Variants in PRKAG2 observed in about 807,000 individuals in gnomAD.
PRKAG2 encodes the protein 5'-AMP-activated protein kinase subunit gamma-2.
In PRKAG2, 26 loss-of-function variants were observed where a neutral mutation model predicts 69.6. The observed-to-expected ratio is 0.37, with a 90% confidence interval of 0.27 to 0.52. PRKAG2 has a LOEUF of 0.52. Ranked by LOEUF, PRKAG2 falls within the 20% of genes least tolerant of loss-of-function variation. The probability of loss-of-function intolerance (pLI) is 0.90; values close to 1 mark genes in which losing one functional copy is unlikely to be tolerated. For missense variants in PRKAG2, 557 were observed against 740.0 expected (o/e 0.75, Z 2.87); for synonymous variants, 293 against 285.0 (o/e 1.03, Z -0.28).
rs965627378 is a variant in PRKAG2, at chr7:151,632,543, C to G, written c.685-405G>C. 49 of 981,808 alleles carry G rather than the reference C, an allele frequency of 5.0e-5. No homozygotes were observed. Among genetic ancestry groups the G allele is most frequent in the Non-Finnish European group, 5.6e-5 (46 of 827,216 alleles). 60.8% of individuals were successfully genotyped at this position (981,808 alleles called of 1,614,324 possible). A position where few individuals can be genotyped will look rare whatever the true frequency, so the allele number is the denominator to read the frequency against. On this transcript the variant is annotated intron_variant, in intron 4 of 15. Transcript: ENST00000287878. This position sits in a 1 kb window ranked among gnomAD's most constrained non-coding sequence, Gnocchi z 4.2. ...CCATTGGGAGAGGCCCGCGGCCCGC[C>G]CCCACTCCGCCCCCCGGCGCCGCTC...
intron 3 of PRKAG2, among the ~76,000 whole-genome samples, chr7:151,740,312 G>A (rs2073790528): frequency 6.6e-6 from 1 of 152,202 alleles, no homozygotes; most frequent in Admixed American, 6.5e-5. Context: ...ATCTCCCAAG[G>A]GAAGAATTCA....
intron 3 of PRKAG2, among the ~76,000 whole-genome samples, chr7:151,755,946 C>A (rs1563602709): frequency 6.6e-6 from 1 of 152,222 alleles, no homozygotes; most frequent in Non-Finnish European, 1.5e-5. Flanking sequence ...TGAGGTTCCT[C>A]CAGGAGGCTG....
At chr7:151,773,040 AGAGAGAGAGAGAGGGAGGGAGG>A (rs1295919818) in intron 3 of PRKAG2, among the ~76,000 whole-genome samples, 16 of 34,712 alleles carry the variant, frequency 4.6e-4, no homozygotes, top group East Asian at 3.8e-3. Context: ...AGAGAGAGAG[AGAGAGAGAGAGAGGGAGGGAGG>A]GAGGGAGGGA....
chr7:151,762,831 C>T (rs2075497288), intron 3 of PRKAG2, among the ~76,000 whole-genome samples: 1 of 152,202 alleles, frequency 6.6e-6, no homozygotes, highest in South Asian at 2.1e-4. Context: ...GCAGACGGCA[C>T]ATTCAGACAC....
At chr7:151,862,549 CATT>C (rs1284607637) in intron 1 of PRKAG2, among the ~76,000 whole-genome samples, 3 of 152,196 alleles carry the variant, frequency 2.0e-5, no homozygotes, top group African/African-American at 7.2e-5. Flanking sequence ...TCATCATCAT[CATT>C]GTCAACATTC....
intron 5 of PRKAG2, among the ~76,000 whole-genome samples, chr7:151,610,132 G>A (rs998247211): frequency 6.6e-6 from 1 of 152,174 alleles, no homozygotes; most frequent in African/African-American, 2.4e-5. Context: ...TTCGGAGGCC[G>A]AGGTGGGCGG....
Position 151,678,685 on chromosome 7 carries a change from G to A in PRKAG2, c.467-3048C>T, listed in dbSNP as rs902605758. On this transcript the variant is annotated intron_variant, in intron 3 of 15. Transcript: ENST00000287878. ...AACTCTTGAAAAATAGAGGCCAGGT[G>A]CAGTGGCTCATGCCTATAATCTCAG... is the stretch of plus-strand genomic sequence containing the variant. Among the ~76,000 whole-genome samples, 5 of 152,352 alleles carry A rather than the reference G, an allele frequency of 3.3e-5. No individual in the cohort carries two copies. In the East Asian group the frequency reaches 7.7e-4, roughly 24 times the overall value.
At chr7:151,858,458 A>T (rs2079838713) in intron 1 of PRKAG2, among the ~76,000 whole-genome samples, 1 of 152,220 alleles carries the variant, frequency 6.6e-6, no homozygotes, top group South Asian at 2.1e-4. Flanking sequence ...CAGGTGTCAT[A>T]AAGATACGTG....
intron 3 of PRKAG2, among the ~76,000 whole-genome samples, chr7:151,752,861 A>T (rs137897139): frequency 3.3e-5 from 5 of 152,250 alleles, no homozygotes; most frequent in Non-Finnish European, 2.9e-5. Context: ...TGAAGCCCTG[A>T]CTGGTGACAA....
In PRKAG2 at chr7:151,760,113, G is replaced by A. The variant is rs536432810; in HGVS notation, c.466+21039C>T. On this transcript the variant is annotated intron_variant, in intron 3 of 15. Transcript: ENST00000287878. ...AAAAGGAAGCTGAGATGGGAGGCAG[G>A]CCAGAGAGAACCTAGGAGAAGTGAA... is the stretch of plus-strand genomic sequence containing the variant. Among the ~76,000 whole-genome samples the A allele has an allele frequency of 3.3e-5, 5 of 152,286 alleles. No homozygotes were observed. The East Asian group carries it at 7.7e-4, about 23-fold the overall frequency.
chr7:151,709,883 G>C (rs1350543815), intron 3 of PRKAG2, among the ~76,000 whole-genome samples: 2 of 152,088 alleles, frequency 1.3e-5, no homozygotes, highest in Non-Finnish European at 1.5e-5. Context: ...GACTGACATT[G>C]AGTGATGTGA....
At chr7:151,712,068 G>A (rs7811371) in intron 3 of PRKAG2, among the ~76,000 whole-genome samples, 5,674 of 152,338 alleles carry the variant, frequency 0.037, 365 homozygotes, top group African/African-American at 0.13. Flanking sequence ...CCCGGAGGCA[G>A]TGGCGGCAGA....
chr7:151,580,100 T>C (rs573300377), intron 6 of PRKAG2, among the ~76,000 whole-genome samples: 4 of 152,278 alleles, frequency 2.6e-5, no homozygotes, highest in African/African-American at 9.6e-5. Flanking sequence ...TCCCAGCACT[T>C]TGGGAGGCCA....
chr7:151,729,108 A>G (rs1417585023), intron 3 of PRKAG2, among the ~76,000 whole-genome samples: 3 of 132,856 alleles, frequency 2.3e-5, no homozygotes, highest in Non-Finnish European at 3.1e-5. Context: ...ACAGTGACGT[A>G]GGGAGAACAG....
Position 151,655,936 on chromosome 7 carries a change from C to A in PRKAG2, c.684+19484G>T, listed in dbSNP as rs140853705. ...ATACTACCCAAATCTGGTGAAAATT[C>A]ATTTAGTTATTTCTCTGTGACATGG... On this transcript the variant is annotated intron_variant, in intron 4 of 15. Transcript: ENST00000287878. Among the ~76,000 whole-genome samples, 3 of 152,296 alleles carry A rather than the reference C, an allele frequency of 2.0e-5. No individual in the cohort carries two copies. The East Asian group carries it at 5.8e-4, about 29-fold the overall frequency.
At chr7:151,868,047 G>C (rs1042598052) in intron 1 of PRKAG2, among the ~76,000 whole-genome samples, 3 of 152,146 alleles carry the variant, frequency 2.0e-5, no homozygotes, top group Admixed American at 1.3e-4. Flanking sequence ...ACTGGTCTTT[G>C]TCGTGCATTC....
chr7:151,724,849 C>G (rs1797681434), intron 3 of PRKAG2, among the ~76,000 whole-genome samples: 1 of 152,108 alleles, frequency 6.6e-6, no homozygotes. Flanking sequence ...AAAGCACCCC[C>G]CGAGCCTAGA....
At chr7:151,618,449 G>A (rs150884479) in intron 5 of PRKAG2, among the ~76,000 whole-genome samples, 1,903 of 144,802 alleles carry the variant, frequency 0.013, 28 homozygotes, top group African/African-American at 0.05. Flanking sequence ...GCAAGACTCC[G>A]TCTCAAAATA....
intron 15 of PRKAG2, chr7:151,559,831 G>A: frequency 1.0e-6 from 1 of 985,316 alleles, no homozygotes; most frequent in Non-Finnish European, 1.2e-6. Context: ...GGGCTGGGGA[G>A]GTGGAGGGAT....
Sources: gnomAD v4.1 joint callset for allele counts (sites outside exome capture counted in the v4.1 genomes callset) on GRCh38, gnomAD v4.1.1 for gene constraint, Gnocchi (gnomAD v3.1) non-coding constraint, MANE v1.5 for transcripts, NCBI Gene and HGNC (gene_info 2026-07-23, HGNC 2026-07-21) for gene names.